Variants in PRSS12 observed in about 807,000 individuals in gnomAD.
PRSS12 encodes the protein serine protease 12.
A neutral mutation model predicts 104.4 loss-of-function variants in PRSS12; 85 were observed. The observed-to-expected ratio is 0.81, with a 90% CI of 0.68 to 0.98. The LOEUF (loss-of-function observed/expected upper bound fraction) is 0.98. Ranked by LOEUF, PRSS12 falls within the 50% of genes least tolerant of loss-of-function variation. The pLI, the probability that PRSS12 is intolerant of heterozygous loss-of-function variation, is 0.00. For synonymous variants in PRSS12, 454 were observed against 425.2 expected (o/e 1.07, Z -0.83); for missense variants, 1,141 against 1,139.2 (o/e 1.00, Z -0.02).
intron 7 of PRSS12, among the ~76,000 whole-genome samples, chr4:118,312,721 T>G (rs535296882): frequency 6.6e-6 from 1 of 152,244 alleles, no homozygotes; most frequent in Non-Finnish European, 1.5e-5. Flanking sequence ...AGAAGACCAC[T>G]GAGACACTTA....
At chr4:118,290,130 C>A (rs1381921744) in intron 11 of PRSS12, among the ~76,000 whole-genome samples, 1 of 151,932 alleles carries the variant, frequency 6.6e-6, no homozygotes, top group African/African-American at 2.4e-5. Context: ...TGTATAAACA[C>A]AAATGAGAAA....
At chr4:118,294,078 A>G (rs1443142758) in intron 11 of PRSS12, among the ~76,000 whole-genome samples, 1 of 152,258 alleles carries the variant, frequency 6.6e-6, no homozygotes, top group African/African-American at 2.4e-5. Flanking sequence ...AATGAGGCAA[A>G]GGTATGTACC....
rs371121112 is a variant in PRSS12 at position 118,318,592 on chromosome 4, G to A, written c.972-36C>T. 24 of 1,593,608 alleles carry A rather than the reference G, an allele frequency of 1.5e-5. No homozygotes were observed. The East Asian group carries it at 2.7e-4, about 18-fold the overall frequency. ...AAAAGAATGTAAGGATTCTGGATTA[G>A]ATACCAAAGATTGGTCTTTTATTTT... On this transcript the variant is annotated intron_variant, in intron 4 of 12. Coordinates refer to ENST00000296498, the MANE Select transcript of PRSS12 (RefSeq NM_003619.4).
intron 8 of PRSS12, among the ~76,000 whole-genome samples, chr4:118,307,845 A>T (rs1743596087): frequency 1.3e-5 from 2 of 152,164 alleles, no homozygotes; most frequent in South Asian, 4.1e-4. Context: ...TCGGTACTAT[A>T]AATGGGGGCC....
chr4:118,282,122 T>C lies in PRSS12; in HGVS notation c.2442A>G (p.Glu814=). 9 of 1,614,156 alleles carry C rather than the reference T, an allele frequency of 5.6e-6. No individual in the cohort carries two copies. Among genetic ancestry groups the C allele is most frequent in the Non-Finnish European group, 7.6e-6 (9 of 1,180,032 alleles). The change falls in exon 13 of 13, where the codon GAA becomes GAG. Residue 814 remains glutamate, a synonymous_variant. Coordinates refer to ENST00000296498, the MANE Select transcript of PRSS12 (RefSeq NM_003619.4). ...CCTGGCAGCTGTCCACGCGTTTGTGTTCATGGAGGTTTCCAGCACAAAGCA... is the reference window on the plus strand; with the variant it reads ...CCTGGCAGCTGTCCACGCGTTTGTGCTCATGGAGGTTTCCAGCACAAAGCA... The part of the protein sequence containing the change: ...GRMLCAGNLH[E]HKRVDSCQGD...
At position 118,352,463 on chromosome 4, in the gene PRSS12, G is replaced by A; in HGVS notation, c.258C>T (p.Pro86=). The change falls in exon 1 of 13, where the codon CCC becomes CCT. Residue 86 remains proline, a synonymous_variant. Coordinates refer to ENST00000296498, the MANE Select transcript of PRSS12 (RefSeq NM_003619.4). ...RPHALQAGHT[P]RPHPWGCPAG... is the part of the protein sequence containing the mutation. ...CGGGGCAGCCCCAGGGGTGCGGCCG[G>A]GGCGTGTGCCCGGCCTGGAGGGCGT... 1 of 1,402,480 alleles carries A rather than the reference G, an allele frequency of 7.1e-7. No individual in the cohort carries two copies. Among genetic ancestry groups the A allele is most frequent in the South Asian group, 1.6e-5 (1 of 62,712 alleles). 86.9% of individuals were successfully genotyped at this position (1,402,480 alleles called of 1,614,324 possible). A position where few individuals can be genotyped will look rare whatever the true frequency, so the allele number is the denominator to read the frequency against.
At chr4:118,325,832 A>C (rs911303532) in intron 4 of PRSS12, among the ~76,000 whole-genome samples, 1 of 150,410 alleles carries the variant, frequency 6.6e-6, no homozygotes, top group African/African-American at 2.4e-5. Context: ...GATAATCTGT[A>C]AATAAATTTT....
chr4:118,338,798 C>T (rs1724126326), intron 1 of PRSS12, among the ~76,000 whole-genome samples: 1 of 152,112 alleles, frequency 6.6e-6, no homozygotes, highest in Non-Finnish European at 1.5e-5. Context: ...CTGTAATTAG[C>T]TGTGTTATAT....
intron 1 of PRSS12, among the ~76,000 whole-genome samples, chr4:118,343,164 G>A (rs1372359286): frequency 6.6e-6 from 1 of 152,156 alleles, no homozygotes; most frequent in East Asian, 1.9e-4. Context: ...CAAGGCAGGA[G>A]GACTGTTTGA....
At chr4:118,331,679 C>G in intron 4 of PRSS12, 37 bp downstream of exon 4, 1 of 1,613,524 alleles carries the variant, frequency 6.2e-7, no homozygotes, top group African/African-American at 1.3e-5. Flanking sequence ...TAATAAGATT[C>G]AAAAGTTTAA....
intron 11 of PRSS12, among the ~76,000 whole-genome samples, chr4:118,287,075 C>T (rs143129357): frequency 8.1e-4 from 123 of 152,142 alleles, no homozygotes; most frequent in African/African-American, 2.7e-3. Flanking sequence ...AACAAAAAGG[C>T]GAACAGTACC....
At chr4:118,284,874 A>G (rs1742979398) in intron 11 of PRSS12, among the ~76,000 whole-genome samples, 1 of 152,192 alleles carries the variant, frequency 6.6e-6, no homozygotes, top group Non-Finnish European at 1.5e-5. Context: ...AATTTTTTTT[A>G]ACCAAAACTT....
At chr4:118,332,579 G>A (rs908953448) in intron 3 of PRSS12, among the ~76,000 whole-genome samples, 1 of 152,048 alleles carries the variant, frequency 6.6e-6, no homozygotes, top group Non-Finnish European at 1.5e-5. Flanking sequence ...GCCTAATTTT[G>A]TCTTCCTGAG....
intron 4 of PRSS12, among the ~76,000 whole-genome samples, chr4:118,324,616 T>G (rs1723717881): frequency 6.6e-6 from 1 of 151,982 alleles, no homozygotes; most frequent in Non-Finnish European, 1.5e-5. Flanking sequence ...GATAAGAGAG[T>G]ACAAGCCCCA....
chr4:118,295,592 A>G (rs2126028289), intron 10 of PRSS12, among the ~76,000 whole-genome samples, 186 bp downstream of exon 10: 1 of 152,364 alleles, frequency 6.6e-6, no homozygotes, highest in Non-Finnish European at 1.5e-5. Flanking sequence ...AGGCTGGTAT[A>G]AGAACATGGT....
chr4:118,322,405 C>T (rs1206580557), intron 4 of PRSS12, among the ~76,000 whole-genome samples: 1 of 151,942 alleles, frequency 6.6e-6, no homozygotes, highest in Non-Finnish European at 1.5e-5. Context: ...CAAAAATTAG[C>T]TAGGCATGGT....
At chr4:118,301,038 A>C (rs56305917) in intron 8 of PRSS12, among the ~76,000 whole-genome samples, 18,012 of 151,860 alleles carry the variant, frequency 0.12, 1,359 homozygotes, top group South Asian at 0.2. Context: ...CTATTTTTTA[A>C]TCAATTAATT....
chr4:118,292,383 C>T (rs1388076532), intron 11 of PRSS12, among the ~76,000 whole-genome samples: 1 of 152,208 alleles, frequency 6.6e-6, no homozygotes, highest in East Asian at 1.9e-4. Flanking sequence ...AGAGCAGGGG[C>T]TCAGGAACCT....
intron 9 of PRSS12, 120 bp downstream of exon 9, chr4:118,298,613 A>G: frequency 9.3e-7 from 1 of 1,076,070 alleles, no homozygotes; most frequent in Non-Finnish European, 1.4e-6. Flanking sequence ...GTAATAGCAC[A>G]AGACATGGAT....
Sources: allele counts gnomAD v4.1 joint callset (sites outside exome capture counted in the v4.1 genomes callset), GRCh38; gene constraint gnomAD v4.1.1; transcripts MANE v1.5; gene names NCBI Gene and HGNC (gene_info 2026-07-23, HGNC 2026-07-21).